Variants in PELI2 observed in about 807,000 individuals in gnomAD.
The protein encoded by PELI2 is pellino E3 ubiquitin protein ligase family member 2.
A neutral mutation model predicts 42.3 loss-of-function variants in PELI2; 23 were observed. That is an observed-to-expected ratio of 0.54 (90% confidence interval 0.39 to 0.77). The LOEUF (loss-of-function observed/expected upper bound fraction) is 0.77, where lower values mean the gene tolerates loss of function less well. PELI2 is among the 30% of genes least tolerant of loss of function. The pLI is 0.00. For missense variants in PELI2, 463 were observed against 553.2 expected (o/e 0.84, Z 1.64); for synonymous variants, 245 against 212.2 (o/e 1.15, Z -1.34).
chr14:56,148,773 TCTC>T (rs1480163519), intron 1 of PELI2, among the ~76,000 whole-genome samples: 6 of 152,178 alleles, frequency 3.9e-5, no homozygotes, highest in African/African-American at 1.2e-4. Context: ...TGAACTGTGT[TCTC>T]CTGGTAGCAG....
chr14:56,276,869 T>A (rs1889310314), intron 2 of PELI2, among the ~76,000 whole-genome samples: 1 of 152,204 alleles, frequency 6.6e-6, no homozygotes, highest in Non-Finnish European at 1.5e-5. Flanking sequence ...TTTCTTTAAA[T>A]GGGCTCAACA....
chr14:56,170,167 T>G (rs1238507780), intron 1 of PELI2, among the ~76,000 whole-genome samples: 1 of 152,160 alleles, frequency 6.6e-6, no homozygotes, highest in Non-Finnish European at 1.5e-5. Context: ...AGCAGTTGCT[T>G]TGGAAGGAAG....
At chr14:56,296,032 C>A (rs1889988066) in intron 5 of PELI2, among the ~76,000 whole-genome samples, 1 of 152,254 alleles carries the variant, frequency 6.6e-6, no homozygotes, top group South Asian at 2.1e-4. Flanking sequence ...TAGCACAGGC[C>A]TCCTTCTAAA....
chr14:56,254,789 T>A (rs530780265), intron 2 of PELI2, among the ~76,000 whole-genome samples: 47 of 152,012 alleles, frequency 3.1e-4, no homozygotes, highest in African/African-American at 1.1e-3. Flanking sequence ...TTAAACAAAT[T>A]TACAAGAAAA....
intron 1 of PELI2, among the ~76,000 whole-genome samples, chr14:56,132,500 C>T (rs1240118809): frequency 2.0e-5 from 3 of 152,112 alleles, no homozygotes; most frequent in African/African-American, 4.8e-5. Context: ...GCTGTGTAGG[C>T]GGACAGCCCT....
In PELI2 at chr14:56,245,881, G is replaced by T. The variant is rs74052113; in HGVS notation, c.208-33795G>T. 3.2e-3 allele frequency among the ~76,000 whole-genome samples: 490 copies of T among 152,216 alleles called. 2 individuals carry two copies. Among genetic ancestry groups the T allele is most frequent in the African/African-American group, 0.011 (455 of 41,526 alleles). On this transcript the variant is annotated intron_variant, in intron 2 of 5. Coordinates refer to ENST00000267460, the MANE Select transcript of PELI2 (RefSeq NM_021255.3). ...AGAGATGATTTAAAGTATATGGGAG[G>T]ATGTATTAATACATATATTATATGC...
At chr14:56,215,562 A>G (rs1886879764) in intron 2 of PELI2, among the ~76,000 whole-genome samples, 1 of 152,244 alleles carries the variant, frequency 6.6e-6, no homozygotes, top group African/African-American at 2.4e-5. Flanking sequence ...ATTAGAAACA[A>G]AATAACTTAA....
intron 1 of PELI2, among the ~76,000 whole-genome samples, chr14:56,158,884 T>TTAATATTACCATCTGTC (rs1242795536): frequency 1.3e-5 from 2 of 152,192 alleles, no homozygotes; most frequent in Non-Finnish European, 2.9e-5. Flanking sequence ...GACATACAAT[T>TTAATATTACCATCTGTC]TAATATTACC....
At chr14:56,187,249 C>A (rs2139681712) in intron 2 of PELI2, among the ~76,000 whole-genome samples, 1 of 152,312 alleles carries the variant, frequency 6.6e-6, no homozygotes, top group Non-Finnish European at 1.5e-5. Context: ...ATTTATTCAT[C>A]TCCAAACTAG....
At chr14:56,211,154 C>A (rs1886700768) in intron 2 of PELI2, among the ~76,000 whole-genome samples, 1 of 152,220 alleles carries the variant, frequency 6.6e-6, no homozygotes, top group Admixed American at 6.5e-5. Context: ...CATCTGTGGT[C>A]ATTTGCTCCA....
chr14:56,203,674 C>T (rs895483268), intron 2 of PELI2, among the ~76,000 whole-genome samples: 3 of 152,110 alleles, frequency 2.0e-5, no homozygotes, highest in Non-Finnish European at 4.4e-5. Flanking sequence ...TATTGAGTAC[C>T]TGCTAAGTCT....
intron 2 of PELI2, among the ~76,000 whole-genome samples, chr14:56,274,594 C>T (rs117245420): frequency 2.6e-5 from 4 of 152,216 alleles, no homozygotes; most frequent in Admixed American, 6.5e-5. Context: ...ATTCTCTAGA[C>T]GTATGAACCA....
At chr14:56,135,728 C>CT (rs1361542078) in intron 1 of PELI2, among the ~76,000 whole-genome samples, 1 of 152,214 alleles carries the variant, frequency 6.6e-6, no homozygotes, top group African/African-American at 2.4e-5. Context: ...AAGACCAAGA[C>CT]TAACAGTGTA....
At chr14:56,226,068 C>T (rs1259519000) in intron 2 of PELI2, among the ~76,000 whole-genome samples, 1 of 128,536 alleles carries the variant, frequency 7.8e-6, no homozygotes, top group Non-Finnish European at 1.8e-5. Context: ...CCCAGCATAC[C>T]AAACAGGAAA....
chr14:56,246,749 G>A (rs1337901574), intron 2 of PELI2, among the ~76,000 whole-genome samples: 1 of 152,178 alleles, frequency 6.6e-6, no homozygotes, highest in Non-Finnish European at 1.5e-5. Flanking sequence ...TAAGTAAATT[G>A]TTCAAGGTAA....
chr14:56,157,170 T>C (rs1221867779), intron 1 of PELI2, among the ~76,000 whole-genome samples: 3 of 152,226 alleles, frequency 2.0e-5, no homozygotes, highest in Admixed American at 6.5e-5. Context: ...TAATATACTT[T>C]TGTAACACTG....
intron 2 of PELI2, among the ~76,000 whole-genome samples, chr14:56,232,292 C>A (rs1887611910): frequency 6.6e-6 from 1 of 152,018 alleles, no homozygotes; most frequent in Non-Finnish European, 1.5e-5. Context: ...CAAAGCCAGG[C>A]AGAGACACAA....
At chr14:56,129,965 AT>A (rs1376466687) in intron 1 of PELI2, among the ~76,000 whole-genome samples, 2 of 152,090 alleles carry the variant, frequency 1.3e-5, no homozygotes, top group Non-Finnish European at 2.9e-5. Flanking sequence ...AACTTCTGCC[AT>A]TTCTTCAGGG....
chr14:56,191,715 C>A (rs1885954168), intron 2 of PELI2, among the ~76,000 whole-genome samples: 1 of 152,230 alleles, frequency 6.6e-6, no homozygotes, highest in Admixed American at 6.5e-5. Context: ...CCACTAGCAA[C>A]TTCAAAATCT....
Sources: allele counts gnomAD v4.1 joint callset (sites outside exome capture counted in the v4.1 genomes callset), GRCh38; gene constraint gnomAD v4.1.1; transcripts MANE v1.5; gene names NCBI Gene and HGNC (gene_info 2026-07-23, HGNC 2026-07-21).